The following METTL24 variants were observed in gnomAD, a reference collection of about 807,000 sequenced individuals.
METTL24 encodes probable methyltransferase-like protein 24.
In METTL24, 29 loss-of-function variants were observed where a neutral mutation model predicts 32.7. The observed-to-expected ratio is 0.89, with a 90% confidence interval of 0.66 to 1.21. The LOEUF (loss-of-function observed/expected upper bound fraction) is 1.21. Ranked by LOEUF, METTL24 falls within the 50% of genes most tolerant of loss-of-function variation. The pLI is 0.00. For missense variants in METTL24, 439 were observed against 468.1 expected (o/e 0.94, Z 0.57); for synonymous variants, 163 against 179.5 (o/e 0.91, Z 0.73).
chr6:110,270,957 C>T (rs1770947641), intron 4 of METTL24, among the ~76,000 whole-genome samples: 1 of 151,510 alleles, frequency 6.6e-6, no homozygotes, highest in Non-Finnish European at 1.5e-5. Context: ...CCTGCCTCAG[C>T]CTCCCGAGTA....
intron 3 of METTL24, among the ~76,000 whole-genome samples, chr6:110,303,799 C>T (rs190294013): frequency 5.3e-5 from 8 of 152,334 alleles, no homozygotes; most frequent in Non-Finnish European, 8.8e-5. Flanking sequence ...TCTCCCAGTA[C>T]AACACTCGAG....
At chr6:110,298,551 AT>A (rs60310452) in intron 4 of METTL24, among the ~76,000 whole-genome samples, 28,110 of 148,214 alleles carry the variant, frequency 0.19, 6,150 homozygotes, top group African/African-American at 0.54. Flanking sequence ...CATAACCCCG[AT>A]TTTTTTTTTT....
At chr6:110,262,705 A>G (rs868531643) in intron 4 of METTL24, among the ~76,000 whole-genome samples, 28 of 152,370 alleles carry the variant, frequency 1.8e-4, no homozygotes, top group Middle Eastern at 3.4e-3. Context: ...ATGAACATCA[A>G]TGCAAAAATC....
intron 4 of METTL24, among the ~76,000 whole-genome samples, chr6:110,289,549 T>C (rs1278047879): frequency 6.6e-6 from 1 of 151,802 alleles, no homozygotes; most frequent in Non-Finnish European, 1.5e-5. Context: ...AAAAGAAAAT[T>C]AAAGAATTGG....
chr6:110,356,914 G>T (rs1231851825), intron 1 of METTL24, among the ~76,000 whole-genome samples: 1 of 152,226 alleles, frequency 6.6e-6, no homozygotes, highest in African/African-American at 2.4e-5. Flanking sequence ...AGTGAAGCCC[G>T]GCAGGAGTGC....
At chr6:110,317,061 CA>C (rs1383028607) in intron 2 of METTL24, among the ~76,000 whole-genome samples, 1 of 152,188 alleles carries the variant, frequency 6.6e-6, no homozygotes, top group Non-Finnish European at 1.5e-5. Context: ...GCTGGCCTGG[CA>C]AAATCATCCT....
chr6:110,319,260 CTGTGTGTGTATG>C (rs1357738263), intron 2 of METTL24, among the ~76,000 whole-genome samples: 2 of 136,004 alleles, frequency 1.5e-5, no homozygotes, highest in East Asian at 4.2e-4. Context: ...GTTTTTATCC[CTGTGTGTGTATG>C]TGTGTGTGTG....
intron 4 of METTL24, among the ~76,000 whole-genome samples, chr6:110,275,085 C>T (rs1244088145): frequency 6.6e-6 from 1 of 151,854 alleles, no homozygotes; most frequent in East Asian, 2.0e-4. Flanking sequence ...AGGTGTGAGC[C>T]ACCATGCCTG....
chr6:110,330,246 C>T (rs1772090035), intron 1 of METTL24, among the ~76,000 whole-genome samples: 3 of 152,192 alleles, frequency 2.0e-5, no homozygotes, highest in Non-Finnish European at 4.4e-5. Context: ...GCACCTAGAA[C>T]TCTGCGAAAA....
rs1185062065 is a variant in METTL24 at position 110,358,015 on chromosome 6, GC to G, written c.257del (p.Gly86AlafsTer27). ...VRSGRRAPPG[G>X]GGSGTPEPGC... is the part of the protein sequence containing the mutation. Reference sequence around the variant, plus strand: ...CAGGCTCCGGCGTCCCGCTCCCGCCGCCCCCCGGCGGCGCCCGGCGACCGCT... The same window carrying G: ...CAGGCTCCGGCGTCCCGCTCCCGCCGCCCCCGGCGGCGCCCGGCGACCGCT... On this transcript the variant is annotated frameshift_variant, in exon 1 of 5. Coordinates refer to ENST00000338882, the MANE Select transcript of METTL24 (RefSeq NM_001123364.3). LOFTEE classifies it high-confidence loss of function. The G allele has an allele frequency of 7.8e-6, 9 of 1,150,294 alleles. No homozygotes were observed. Among genetic ancestry groups the G allele is most frequent in the Admixed American group, 4.8e-5 (1 of 20,726 alleles). 71.3% of individuals were successfully genotyped at this position (1,150,294 alleles called of 1,614,324 possible). A position where few individuals can be genotyped will look rare whatever the true frequency, so the allele number is the denominator to read the frequency against.
At chr6:110,325,473 G>T (rs1224608306) in intron 1 of METTL24, among the ~76,000 whole-genome samples, 5 of 152,182 alleles carry the variant, frequency 3.3e-5, no homozygotes, top group Non-Finnish European at 7.3e-5. Flanking sequence ...GTAGTTTGCT[G>T]ACTCCTGCTC....
intron 3 of METTL24, among the ~76,000 whole-genome samples, chr6:110,302,108 T>C (rs1771526665): frequency 6.6e-6 from 1 of 151,930 alleles, no homozygotes; most frequent in South Asian, 2.1e-4. Flanking sequence ...ACCCCATCTC[T>C]ACTAAAAAAA....
At chr6:110,269,250 TTCTA>T (rs1770911632) in intron 4 of METTL24, among the ~76,000 whole-genome samples, 1 of 152,352 alleles carries the variant, frequency 6.6e-6, no homozygotes, top group African/African-American at 2.4e-5. Flanking sequence ...TCTTACAGTA[TTCTA>T]TCTACTTTAG....
intron 4 of METTL24, among the ~76,000 whole-genome samples, chr6:110,283,468 A>G (rs1771171713): frequency 1.3e-5 from 2 of 152,182 alleles, no homozygotes; most frequent in African/African-American, 2.4e-5. Flanking sequence ...GAGCCATTCT[A>G]TAGAAAGGAG....
intron 3 of METTL24, among the ~76,000 whole-genome samples, chr6:110,311,309 T>C (rs1771716579): frequency 6.6e-6 from 1 of 152,098 alleles, no homozygotes; most frequent in Admixed American, 6.6e-5. Context: ...AGCCTCTTTT[T>C]CTAGGCGTCA....
intron 1 of METTL24, among the ~76,000 whole-genome samples, chr6:110,348,247 A>G (rs554281993): frequency 1.3e-5 from 2 of 152,332 alleles, no homozygotes; most frequent in Admixed American, 1.3e-4. Context: ...AAGAAACTCA[A>G]GTTCAGAGAG....
chr6:110,351,296 T>TA (rs1310068260), intron 1 of METTL24, among the ~76,000 whole-genome samples: 3 of 152,220 alleles, frequency 2.0e-5, no homozygotes, highest in Non-Finnish European at 1.5e-5. Context: ...CTTGTAGGCG[T>TA]ATATTCACTA....
chr6:110,284,390 A>C (rs1771184754), intron 4 of METTL24, among the ~76,000 whole-genome samples: 1 of 152,204 alleles, frequency 6.6e-6, no homozygotes, highest in South Asian at 2.1e-4. Flanking sequence ...AAATTTTTAA[A>C]AATTAAAAAG....
intron 4 of METTL24, among the ~76,000 whole-genome samples, chr6:110,278,327 G>A (rs780431076): frequency 6.6e-6 from 1 of 152,190 alleles, no homozygotes; most frequent in African/African-American, 2.4e-5. Flanking sequence ...AGCTAGAAGA[G>A]GCTAAACTTT....
Sources: gnomAD v4.1 joint callset for allele counts (sites outside exome capture counted in the v4.1 genomes callset) on GRCh38, gnomAD v4.1.1 for gene constraint, MANE v1.5 for transcripts, NCBI Gene and HGNC (gene_info 2026-07-23, HGNC 2026-07-21) for gene names.